Variants in TSHZ2 observed in about 807,000 individuals in gnomAD.
The protein encoded by TSHZ2 is teashirt homolog 2.
In TSHZ2, 21 loss-of-function variants were observed where a neutral mutation model predicts 74.4. That is an observed-to-expected ratio of 0.28 (90% confidence interval 0.20 to 0.41). The LOEUF is 0.41. Among genes scored for constraint, TSHZ2 ranks in the 10% least tolerant of loss-of-function variants. The pLI is 1.00. For missense variants in TSHZ2, 1,244 were observed against 1,293.5 expected (o/e 0.96, Z 0.59); for synonymous variants, 540 against 515.3 (o/e 1.05, Z -0.65).
chr20:52,993,167 A>T (rs116519442), intron 1 of TSHZ2, among the ~76,000 whole-genome samples: 1,528 of 152,338 alleles, frequency 0.01, 25 homozygotes, highest in African/African-American at 0.035. Context: ...AACATTTCCA[A>T]TATATAACAT....
chr20:53,275,913 G>A (rs1315495244), intron 2 of TSHZ2, among the ~76,000 whole-genome samples: 2 of 152,168 alleles, frequency 1.3e-5, no homozygotes, highest in Non-Finnish European at 2.9e-5. Flanking sequence ...GGTAACAAGA[G>A]CGAAACTCCG....
At chr20:53,101,315 TTAA>T (rs767525984) in intron 1 of TSHZ2, among the ~76,000 whole-genome samples, 1 of 152,214 alleles carries the variant, frequency 6.6e-6, no homozygotes, top group Non-Finnish European at 1.5e-5. Flanking sequence ...AATTATTGAT[TTAA>T]TAATATTTGG....
At chr20:53,016,416 T>C (rs1568720980) in intron 1 of TSHZ2, among the ~76,000 whole-genome samples, 1 of 152,218 alleles carries the variant, frequency 6.6e-6, no homozygotes, top group Non-Finnish European at 1.5e-5. Flanking sequence ...TTGGTGAGAA[T>C]GACTCATTTG....
intron 2 of TSHZ2, among the ~76,000 whole-genome samples, chr20:53,302,620 G>T (rs1324562447): frequency 6.6e-6 from 1 of 152,174 alleles, no homozygotes; most frequent in Non-Finnish European, 1.5e-5. Context: ...ACTTCCTCAG[G>T]ATTAGGCCAC....
chr20:53,329,659 G>A (rs992454323), intron 2 of TSHZ2, among the ~76,000 whole-genome samples: 7 of 151,846 alleles, frequency 4.6e-5, no homozygotes, highest in African/African-American at 1.7e-4. Flanking sequence ...GTTGTGGGGG[G>A]CGGGGGAGGG....
chr20:53,243,197 T>C (rs1990113006), intron 1 of TSHZ2, among the ~76,000 whole-genome samples: 1 of 151,994 alleles, frequency 6.6e-6, no homozygotes, highest in Non-Finnish European at 1.5e-5. Flanking sequence ...ACATAGGGAA[T>C]GGAATTTCAA....
chr20:53,058,193 G>A (rs990300330), intron 1 of TSHZ2, among the ~76,000 whole-genome samples: 5 of 152,104 alleles, frequency 3.3e-5, no homozygotes, highest in African/African-American at 9.7e-5. Flanking sequence ...CTGGCCCACC[G>A]CTCACCACCT....
chr20:53,246,657 G>C (rs1485178943), intron 1 of TSHZ2, among the ~76,000 whole-genome samples: 1 of 152,162 alleles, frequency 6.6e-6, no homozygotes, highest in South Asian at 2.1e-4. Context: ...TCTTGCATGT[G>C]GTAACTGCAG....
intron 1 of TSHZ2, among the ~76,000 whole-genome samples, chr20:53,053,338 G>A (rs1984537154): frequency 6.6e-6 from 1 of 152,082 alleles, no homozygotes; most frequent in Middle Eastern, 3.4e-3. Flanking sequence ...CATTACTTTT[G>A]TTCCTTGCCA....
intron 2 of TSHZ2, among the ~76,000 whole-genome samples, chr20:53,318,806 A>G (rs1979130117): frequency 6.6e-6 from 1 of 152,162 alleles, no homozygotes; most frequent in Non-Finnish European, 1.5e-5. Context: ...GTATCAACCC[A>G]TTTTCATACT....
At chr20:53,134,125 AT>A (rs1278201748) in intron 1 of TSHZ2, among the ~76,000 whole-genome samples, 1 of 152,154 alleles carries the variant, frequency 6.6e-6, no homozygotes, top group African/African-American at 2.4e-5. Flanking sequence ...ATGAGTCTCA[AT>A]TTCCTCACCT....
chr20:53,383,512 C>A (rs1186869302), intron 2 of TSHZ2, among the ~76,000 whole-genome samples: 2 of 152,030 alleles, frequency 1.3e-5, no homozygotes, highest in African/African-American at 4.8e-5. Flanking sequence ...GTAATCTCAG[C>A]ACTTTGGGAG....
intron 2 of TSHZ2, among the ~76,000 whole-genome samples, chr20:53,472,197 G>C (rs1985828185): frequency 6.6e-6 from 1 of 152,186 alleles, no homozygotes; most frequent in Non-Finnish European, 1.5e-5. Context: ...AAAGTTATCA[G>C]AAGGACACCA....
chr20:53,050,130 T>TATATAC (rs1555819320), intron 1 of TSHZ2, among the ~76,000 whole-genome samples: 8 of 88,322 alleles, frequency 9.1e-5, no homozygotes, highest in East Asian at 1.1e-3. Flanking sequence ...TATATACACA[T>TATATAC]ATATATATGT....
At chr20:53,109,999 T>A (rs1393450613) in intron 1 of TSHZ2, among the ~76,000 whole-genome samples, 1 of 152,180 alleles carries the variant, frequency 6.6e-6, no homozygotes, top group Non-Finnish European at 1.5e-5. Flanking sequence ...CACAATACTT[T>A]AAAAAAATTA....
chr20:53,067,245 A>G (rs1489816602), intron 1 of TSHZ2, among the ~76,000 whole-genome samples: 2 of 152,168 alleles, frequency 1.3e-5, no homozygotes, highest in Non-Finnish European at 2.9e-5. Flanking sequence ...GCCCCCCATC[A>G]CATCCTATTC....
chr20:53,185,678 T>C, intron 1 of TSHZ2: 1 of 1,536,076 alleles, frequency 6.5e-7, no homozygotes, highest in Non-Finnish European at 8.7e-7. Flanking sequence ...ATTATACAGG[T>C]ACAACAGTTT....
intron 2 of TSHZ2, among the ~76,000 whole-genome samples, chr20:53,304,387 C>T (rs1364847472): frequency 6.6e-6 from 1 of 151,972 alleles, no homozygotes; most frequent in Non-Finnish European, 1.5e-5. Context: ...CTGCTTGTAG[C>T]ATATCGTACT....
At chr20:53,177,463 G>C (rs1351142208) in intron 1 of TSHZ2, among the ~76,000 whole-genome samples, 1 of 152,080 alleles carries the variant, frequency 6.6e-6, no homozygotes, top group Non-Finnish European at 1.5e-5. Context: ...CATTTCCAAG[G>C]AGCCTTCACT....
Sources: gnomAD v4.1 joint callset for allele counts (sites outside exome capture counted in the v4.1 genomes callset) on GRCh38, gnomAD v4.1.1 for gene constraint, MANE v1.5 for transcripts, NCBI Gene and HGNC (gene_info 2026-07-23, HGNC 2026-07-21) for gene names.